Variants in RAD51B observed in about 807,000 individuals in gnomAD.
RAD51B encodes RAD51 paralog B.
RAD51B carries 38 observed loss-of-function variants against 42.2 expected under a neutral mutation model. That is an observed-to-expected ratio of 0.90 (90% confidence interval 0.70 to 1.18). RAD51B has a LOEUF of 1.18. RAD51B is among the 50% of genes most tolerant of loss of function. The probability of loss-of-function intolerance (pLI) is 0.00; values close to 1 mark genes in which losing one functional copy is unlikely to be tolerated. For missense variants in RAD51B, 373 were observed against 400.7 expected (o/e 0.93, Z 0.59); for synonymous variants, 154 against 145.2 (o/e 1.06, Z -0.43).
chr14:68,536,040 A>AG (rs1439106767), intron 10 of RAD51B, among the ~76,000 whole-genome samples: 3 of 152,224 alleles, frequency 2.0e-5, no homozygotes, highest in African/African-American at 7.2e-5. Context: ...ATGGGTAAGA[A>AG]GCAGGCAAAT....
intron 10 of RAD51B, among the ~76,000 whole-genome samples, chr14:68,504,444 G>A (rs991614888): frequency 4.6e-5 from 7 of 152,218 alleles, no homozygotes; most frequent in East Asian, 1.9e-4. Context: ...CAAGGGTGCC[G>A]AAGCCTGAGC....
intron 7 of RAD51B, among the ~76,000 whole-genome samples, chr14:68,100,104 A>G (rs919033718): frequency 2.6e-5 from 4 of 152,182 alleles, no homozygotes; most frequent in Admixed American, 2.0e-4. Context: ...GTTAATGTAC[A>G]AATTAGAGTT....
intron 8 of RAD51B, among the ~76,000 whole-genome samples, chr14:68,318,952 C>G (rs771684903): frequency 6.6e-6 from 1 of 152,098 alleles, no homozygotes; most frequent in Non-Finnish European, 1.5e-5. Flanking sequence ...ATGTCTTAAA[C>G]GTCAGCCAAC....
At chr14:68,180,951 C>A (rs2079051274) in intron 7 of RAD51B, among the ~76,000 whole-genome samples, 1 of 152,208 alleles carries the variant, frequency 6.6e-6, no homozygotes, top group African/African-American at 2.4e-5. Context: ...TCATCACCTC[C>A]ACATAGCAGG....
chr14:68,664,928 A>G (rs1893002595), intron 11 of RAD51B, among the ~76,000 whole-genome samples: 2 of 152,148 alleles, frequency 1.3e-5, no homozygotes, highest in African/African-American at 4.8e-5. Context: ...CTCTTCTGCC[A>G]ATGTGCCCCA....
At chr14:68,467,041 C>G (rs901718313) in intron 9 of RAD51B, among the ~76,000 whole-genome samples, 1 of 152,170 alleles carries the variant, frequency 6.6e-6, no homozygotes, top group Non-Finnish European at 1.5e-5. Flanking sequence ...CTCTTGCCTC[C>G]CTGATTACCT....
intron 8 of RAD51B, among the ~76,000 whole-genome samples, chr14:68,397,906 C>A (rs2083972093): frequency 1.3e-5 from 2 of 152,232 alleles, no homozygotes; most frequent in African/African-American, 4.8e-5. Context: ...TCTTCCCCCA[C>A]CCCCTTCTCA....
chr14:68,456,250 C>T (rs1400838564), intron 9 of RAD51B, among the ~76,000 whole-genome samples: 5 of 152,076 alleles, frequency 3.3e-5, no homozygotes, highest in African/African-American at 9.7e-5. Context: ...TTACATTAAA[C>T]GTGAGTTGAT....
intron 9 of RAD51B, among the ~76,000 whole-genome samples, chr14:68,447,251 A>G (rs4902590): frequency 0.13 from 20,166 of 152,212 alleles, 1,617 homozygotes; most frequent in East Asian, 0.47. Flanking sequence ...CACATATTAG[A>G]TCCTCATAGT....
intron 7 of RAD51B, among the ~76,000 whole-genome samples, chr14:68,180,300 G>A (rs988367299): frequency 9.9e-5 from 15 of 152,112 alleles, no homozygotes; most frequent in African/African-American, 3.4e-4. Flanking sequence ...TTGCCCAAAC[G>A]TGTTTATCCT....
chr14:68,653,624 T>C (rs916911899), intron 11 of RAD51B, among the ~76,000 whole-genome samples: 2 of 152,190 alleles, frequency 1.3e-5, no homozygotes, highest in Non-Finnish European at 2.9e-5. Context: ...CAACCAAAAA[T>C]GTCTCCAGCC....
intron 11 of RAD51B, among the ~76,000 whole-genome samples, chr14:68,673,830 T>C (rs949476555): frequency 4.1e-5 from 6 of 147,854 alleles, no homozygotes; most frequent in Non-Finnish European, 7.4e-5. Flanking sequence ...ACACATACTG[T>C]ACATACACAT....
chr14:68,264,444 T>G (rs1197458347), intron 7 of RAD51B, among the ~76,000 whole-genome samples: 1 of 152,156 alleles, frequency 6.6e-6, no homozygotes, highest in East Asian at 1.9e-4. Flanking sequence ...GTTTTCTGAG[T>G]AGCTAGTGTT....
intron 8 of RAD51B, among the ~76,000 whole-genome samples, chr14:68,374,749 C>A (rs1400314756): frequency 6.7e-6 from 1 of 149,184 alleles, no homozygotes; most frequent in Non-Finnish European, 1.5e-5. Context: ...CATACCCTAA[C>A]AGTATCTAGT....
chr14:68,103,605 C>G (rs1003855136), intron 7 of RAD51B, among the ~76,000 whole-genome samples: 1 of 152,134 alleles, frequency 6.6e-6, no homozygotes. Flanking sequence ...TTTCTCATTT[C>G]TTTTTCCTAG....
At chr14:68,250,029 G>A (rs966228995) in intron 7 of RAD51B, among the ~76,000 whole-genome samples, 3 of 152,134 alleles carry the variant, frequency 2.0e-5, no homozygotes, top group Non-Finnish European at 2.9e-5. Flanking sequence ...CAGGGGAGAG[G>A]GCCTCTTTAT....
chr14:67,855,482 C>T (rs761923), intron 4 of RAD51B, among the ~76,000 whole-genome samples: 3 of 151,586 alleles, frequency 2.0e-5, no homozygotes, highest in East Asian at 1.9e-4. Flanking sequence ...CCTCGTGATT[C>T]GCCCACCTTG....
At chr14:68,488,517 G>T (rs1332823435) in intron 10 of RAD51B, among the ~76,000 whole-genome samples, 1 of 152,022 alleles carries the variant, frequency 6.6e-6, no homozygotes, top group East Asian at 1.9e-4. Flanking sequence ...CCCACCCTTT[G>T]TATTTGATCA....
At chr14:68,431,772 G>T (rs1204467402) in intron 9 of RAD51B, among the ~76,000 whole-genome samples, 1 of 152,160 alleles carries the variant, frequency 6.6e-6, no homozygotes, top group Non-Finnish European at 1.5e-5. Flanking sequence ...TCCGATCTTA[G>T]TTATTTCTTG....
Sources: allele counts gnomAD v4.1 joint callset (sites outside exome capture counted in the v4.1 genomes callset), GRCh38; gene constraint gnomAD v4.1.1; transcripts MANE v1.5; gene names NCBI Gene and HGNC (gene_info 2026-07-23, HGNC 2026-07-21).